Variants in NBEAL1 observed in about 807,000 individuals in gnomAD.
The protein encoded by NBEAL1 is neurobeachin-like protein 1.
In NBEAL1, 273 loss-of-function variants were observed where a neutral mutation model predicts 351.3. The observed-to-expected ratio is 0.78, with a 90% CI of 0.70 to 0.86. NBEAL1 has a LOEUF of 0.86. Ranked by LOEUF, NBEAL1 falls within the 40% of genes least tolerant of loss-of-function variation. The probability of loss-of-function intolerance (pLI) is 0.00; values close to 1 mark genes in which losing one functional copy is unlikely to be tolerated. For synonymous variants in NBEAL1, 1,050 were observed against 1,086.4 expected (o/e 0.97, Z 0.66); for missense variants, 2,961 against 3,201.3 (o/e 0.92, Z 1.81).
chr2:203,179,256 C>G (rs542489415), intron 42 of NBEAL1, among the ~76,000 whole-genome samples: 13 of 152,294 alleles, frequency 8.5e-5, no homozygotes, highest in African/African-American at 3.1e-4. Context: ...TGCAGCATAT[C>G]CATTTGAGCT....
chr2:203,061,327 A>G (rs926347890), intron 6 of NBEAL1: 1 of 152,168 alleles, frequency 6.6e-6, no homozygotes, highest in African/African-American at 2.4e-5. Flanking sequence ...CAATCCCACT[A>G]TGTGTTTTTT....
At chr2:203,024,650 G>A (rs1269027596) in intron 2 of NBEAL1, among the ~76,000 whole-genome samples, 1 of 152,070 alleles carries the variant, frequency 6.6e-6, no homozygotes, top group Non-Finnish European at 1.5e-5. Flanking sequence ...ATCACTTGAG[G>A]CCAGGAGTTC....
In NBEAL1 at chr2:203,068,431, A is replaced by G; in HGVS notation, c.554A>G (p.Tyr185Cys). ...LSTVEKSRQK[Y>C]KPASLTVEFV... is the part of the protein sequence containing the mutation. Reference sequence around the variant, plus strand: ...ACTGTGGAAAAGAGCAGACAGAAATATAAACCAGCTTCTCTCACAGTGGAA... The same window carrying G: ...ACTGTGGAAAAGAGCAGACAGAAATGTAAACCAGCTTCTCTCACAGTGGAA... The change falls in exon 7 of 56, where the codon TAT becomes TGT. Residue 185 changes from tyrosine to cysteine, a missense_variant. Tyr to Cys is a radical substitution (Grantham distance 194). Coordinates refer to ENST00000683969, the MANE Select transcript of NBEAL1 (RefSeq NM_001378026.1). 6.5e-7 allele frequency: 1 copy of G among 1,548,264 alleles called. No individual in the cohort carries two copies. Among genetic ancestry groups the G allele is most frequent in the Non-Finnish European group, 8.7e-7 (1 of 1,144,924 alleles).
At chr2:203,192,109 C>T (rs1405851242) in intron 46 of NBEAL1, among the ~76,000 whole-genome samples, 1 of 152,192 alleles carries the variant, frequency 6.6e-6, no homozygotes, top group African/African-American at 2.4e-5. Flanking sequence ...TCCTTAGCAA[C>T]AGTTTGCTCG....
chr2:203,145,672 C>T (rs2063492621), intron 33 of NBEAL1, among the ~76,000 whole-genome samples: 1 of 151,672 alleles, frequency 6.6e-6, no homozygotes, highest in Admixed American at 6.6e-5. Context: ...GTAGCATGTG[C>T]CTGTAATCCC....
At position 203,168,637 on chromosome 2, in the gene NBEAL1, TA is replaced by T. The variant is rs564708442; in HGVS notation, c.5998-1109del. Among the ~76,000 whole-genome samples the T allele has an allele frequency of 6.4e-4, 98 of 152,116 alleles. 1 individual carries two copies. Among genetic ancestry groups the T allele is most frequent in the African/African-American group, 2.2e-3 (92 of 41,486 alleles). ...CTGGCTGGGTACGATAGCTCACGCC[TA>T]TAGTCCTAGCACTTTGGGAGGCCAA... is the stretch of plus-strand genomic sequence containing the variant. On this transcript the variant is annotated intron_variant, in intron 38 of 55. Transcript: ENST00000683969.
intron 2 of NBEAL1, among the ~76,000 whole-genome samples, chr2:203,021,275 C>T (rs1444237238): frequency 1.3e-5 from 2 of 151,962 alleles, no homozygotes; most frequent in Admixed American, 6.6e-5. Context: ...AGCCACTGCG[C>T]CCAGCCCAGT....
intron 41 of NBEAL1, 95 bp from the exon 42 acceptor site, chr2:203,175,052 T>G: frequency 9.0e-7 from 1 of 1,106,326 alleles, no homozygotes; most frequent in Non-Finnish European, 1.3e-6. Context: ...GATGGACTTT[T>G]TAAAAACTGT....
At chr2:203,039,386 CTGTCCTGTCCTGTCCTGTCT>C (rs1293325805) in intron 2 of NBEAL1, among the ~76,000 whole-genome samples, 1 of 129,760 alleles carries the variant, frequency 7.7e-6, no homozygotes, top group Non-Finnish European at 1.7e-5. Flanking sequence ...CTTCCCTTTC[CTGTCCTGTCCTGTCCTGTCT>C]TGTCCTGTCC....
chr2:203,138,071 G>T, intron 29 of NBEAL1, 91 bp from the exon 30 acceptor site: 1 of 1,122,054 alleles, frequency 8.9e-7, no homozygotes, highest in Non-Finnish European at 1.3e-6. Context: ...GAGATACAGT[G>T]CTGCCTCTCA....
At chr2:203,064,098 G>A (rs566013137) in intron 6 of NBEAL1, among the ~76,000 whole-genome samples, 54 of 152,208 alleles carry the variant, frequency 3.5e-4, no homozygotes, top group Non-Finnish European at 4.1e-4. Flanking sequence ...CTGTTGCCCA[G>A]GCTGGAGTAC....
rs573480989 is a variant in NBEAL1 at position 203,125,320 on chromosome 2, A to G, written c.2683-32A>G. On this transcript the variant is annotated intron_variant, in intron 19 of 55. Transcript: ENST00000683969. ...TAAATGACAAAATTGTCCTCCTTTT[A>G]TAAGATTTAAACATTATAATTTTCC... is the stretch of plus-strand genomic sequence containing the variant. 4.5e-5 allele frequency: 62 copies of G among 1,386,884 alleles called. 1 individual carries two copies. The East Asian group carries it at 1.6e-3, about 35-fold the overall frequency. The allele number at this position is 1,386,884 out of a possible 1,614,324, so 85.9% of individuals were successfully genotyped here.
At chr2:203,082,777 A>T (rs564929225) in intron 8 of NBEAL1, among the ~76,000 whole-genome samples, 15 of 152,190 alleles carry the variant, frequency 9.9e-5, no homozygotes, top group Non-Finnish European at 1.9e-4. Context: ...AACATCAAGG[A>T]CTGAGGTCCT....
chr2:203,182,131 C>G (rs1195097783), intron 43 of NBEAL1: 3 of 152,038 alleles, frequency 2.0e-5, no homozygotes, highest in East Asian at 3.9e-4. Context: ...TTAATAAAAC[C>G]AACTCAAAAT....
chr2:203,114,411 A>T (rs929298735), intron 17 of NBEAL1, among the ~76,000 whole-genome samples: 1 of 152,214 alleles, frequency 6.6e-6, no homozygotes, highest in South Asian at 2.1e-4. Context: ...TTTTCAACTG[A>T]TATATTAATA....
intron 51 of NBEAL1, among the ~76,000 whole-genome samples, chr2:203,203,227 C>T (rs942596956): frequency 6.6e-6 from 1 of 151,566 alleles, no homozygotes; most frequent in African/African-American, 2.4e-5. Flanking sequence ...CTGCAACCTC[C>T]GCCTCCCGGG....
intron 48 of NBEAL1, among the ~76,000 whole-genome samples, chr2:203,197,934 AAGAT>A (rs1299361968): frequency 6.6e-6 from 1 of 151,672 alleles, no homozygotes; most frequent in East Asian, 1.9e-4. Flanking sequence ...AATAAATAAA[AAGAT>A]ACACAAAAAT....
intron 53 of NBEAL1, among the ~76,000 whole-genome samples, chr2:203,210,625 C>G (rs2105848444): frequency 6.6e-6 from 1 of 152,300 alleles, no homozygotes; most frequent in South Asian, 2.1e-4. Context: ...GATTGTGCCA[C>G]TGCACTCCAG....
At chr2:203,076,320 A>C (rs1037697179) in intron 7 of NBEAL1, among the ~76,000 whole-genome samples, 6 of 151,732 alleles carry the variant, frequency 4.0e-5, no homozygotes, top group African/African-American at 1.5e-4. Context: ...CTGTCTCTGC[A>C]AAAAAATACA....
Sources: allele counts gnomAD v4.1 joint callset (sites outside exome capture counted in the v4.1 genomes callset), GRCh38; gene constraint gnomAD v4.1.1; transcripts MANE v1.5; gene names NCBI Gene and HGNC (gene_info 2026-07-23, HGNC 2026-07-21).